XRCC6: variants seen among roughly 807,000 people sequenced by gnomAD.
The protein encoded by XRCC6 is X-ray repair cross complementing 6.
In XRCC6, 5 loss-of-function variants were observed where a neutral mutation model predicts 65.7. That is an observed-to-expected ratio of 0.08 (90% CI 0.04 to 0.16). XRCC6 has a LOEUF of 0.16. XRCC6 is among the 10% of genes least tolerant of loss of function. The pLI is 1.00. For synonymous variants in XRCC6, 270 were observed against 270.6 expected (o/e 1.00, Z 0.02); for missense variants, 447 against 738.1 (o/e 0.61, Z 4.57).
chr22:41,624,311 C>T (rs996287804), intron 2 of XRCC6, among the ~76,000 whole-genome samples: 8 of 151,962 alleles, frequency 5.3e-5, no homozygotes, highest in Non-Finnish European at 7.4e-5. Flanking sequence ...TTGCTTGAAC[C>T]GGGGAGGCAG....
chr22:41,662,539 A>T (rs879848720), intron 12 of XRCC6, among the ~76,000 whole-genome samples: 5 of 152,158 alleles, frequency 3.3e-5, no homozygotes, highest in Non-Finnish European at 5.9e-5. Context: ...CTCATTTTTT[A>T]AAAAATGAGG....
Position 41,654,911 on chromosome 22 carries a change from T to A in XRCC6, c.1291+1221T>A, listed in dbSNP as rs2068031097. Among the ~76,000 whole-genome samples the A allele has an allele frequency of 2.6e-5, 4 of 152,346 alleles. No homozygotes were observed. The South Asian group carries it at 8.3e-4, about 32-fold the overall frequency. On this transcript the variant is annotated intron_variant, in intron 9 of 12. Coordinates refer to ENST00000360079, the MANE Select transcript of XRCC6 (RefSeq NM_001469.5). ...CAGTTTTGCTTTCTGCAGTTTCAGT[T>A]ACCCATAGTCAACCATGGTCCAAAA... is the stretch of plus-strand genomic sequence containing the variant.
chr22:41,657,060 T>G, intron 10 of XRCC6, 28 bp downstream of exon 10: 1 of 1,540,044 alleles, frequency 6.5e-7, no homozygotes, highest in Non-Finnish European at 8.7e-7. Context: ...TTTCTGGAAC[T>G]GCCTCCTGAG....
At chr22:41,630,961 C>T (rs1045336640) in intron 3 of XRCC6, among the ~76,000 whole-genome samples, 15 of 152,358 alleles carry the variant, frequency 9.8e-5, no homozygotes, top group African/African-American at 3.4e-4. Flanking sequence ...ATGGCCCGTT[C>T]TCAATGAGCT....
At chr22:41,633,257 C>T (rs2067775155) in intron 3 of XRCC6, among the ~76,000 whole-genome samples, 1 of 152,226 alleles carries the variant, frequency 6.6e-6, no homozygotes, top group Non-Finnish European at 1.5e-5. Flanking sequence ...GCCCCACAAT[C>T]AAAATTTCTG....
intron 11 of XRCC6, among the ~76,000 whole-genome samples, chr22:41,659,884 C>T (rs1262533571): frequency 1.3e-5 from 2 of 151,724 alleles, no homozygotes; most frequent in Non-Finnish European, 2.9e-5. Context: ...TGGGGGTTCA[C>T]CATATTGGCC....
chr22:41,656,791 A>G, intron 9 of XRCC6, 112 bp from the exon 10 acceptor site: 1 of 1,444,142 alleles, frequency 6.9e-7, no homozygotes, highest in Non-Finnish European at 9.4e-7. Flanking sequence ...AATGGGGCCT[A>G]CGGGGCCCCA....
intron 11 of XRCC6, 38 bp from the exon 12 acceptor site, chr22:41,661,293 G>T: frequency 6.3e-7 from 1 of 1,581,590 alleles, no homozygotes. Flanking sequence ...TGGGGCTCGT[G>T]ACTCACCAGG....
At chr22:41,640,429 G>A (rs950813034) in intron 6 of XRCC6, among the ~76,000 whole-genome samples, 10 of 152,194 alleles carry the variant, frequency 6.6e-5, no homozygotes, top group African/African-American at 2.4e-4. Flanking sequence ...GATTAAGGGC[G>A]TGAGCCACCA....
chr22:41,627,449 T>G (rs940334835), intron 2 of XRCC6, among the ~76,000 whole-genome samples: 3 of 151,744 alleles, frequency 2.0e-5, no homozygotes, highest in Non-Finnish European at 4.4e-5. Flanking sequence ...GCGTCTCTAC[T>G]AAAAATACAA....
intron 6 of XRCC6, among the ~76,000 whole-genome samples, chr22:41,646,166 C>T (rs922149942): frequency 9.9e-5 from 15 of 151,740 alleles, no homozygotes; most frequent in African/African-American, 3.4e-4. Context: ...AGCTGGGTGT[C>T]GTGGCAGGTG....
chr22:41,645,727 C>T (rs1242553949), intron 6 of XRCC6, among the ~76,000 whole-genome samples: 3 of 144,806 alleles, frequency 2.1e-5, no homozygotes, highest in Admixed American at 7.0e-5. Context: ...GATAGAGTCT[C>T]GCTCTGTCGC....
At chr22:41,644,909 A>G (rs2067916123) in intron 6 of XRCC6, among the ~76,000 whole-genome samples, 1 of 152,160 alleles carries the variant, frequency 6.6e-6, no homozygotes, top group Non-Finnish European at 1.5e-5. Context: ...GAGTTTGAAT[A>G]TGGATTTTTA....
intron 12 of XRCC6, 184 bp downstream of exon 12, chr22:41,661,628 G>A (rs1006172208): frequency 3.5e-6 from 2 of 564,662 alleles, no homozygotes; most frequent in Non-Finnish European, 6.2e-6. Flanking sequence ...CTCATACACT[G>A]TTGGTGGGAA....
chr22:41,662,368 T>C (rs1188028543), intron 12 of XRCC6, among the ~76,000 whole-genome samples: 1 of 152,098 alleles, frequency 6.6e-6, no homozygotes, highest in Non-Finnish European at 1.5e-5. Flanking sequence ...AAATTAAAAA[T>C]GAAAAAATTT....
chr22:41,638,190 G>T (rs1260083571), intron 6 of XRCC6, among the ~76,000 whole-genome samples: 1 of 152,082 alleles, frequency 6.6e-6, no homozygotes, highest in Non-Finnish European at 1.5e-5. Flanking sequence ...TCCATTTCGT[G>T]GGGGTAGACA....
intron 6 of XRCC6, among the ~76,000 whole-genome samples, chr22:41,640,383 T>C (rs970620898): frequency 1.3e-5 from 2 of 151,962 alleles, no homozygotes; most frequent in African/African-American, 4.8e-5. Context: ...TCTCCTGACC[T>C]TGTGATCCAC....
chr22:41,627,641 G>C (rs2067693452), intron 2 of XRCC6, among the ~76,000 whole-genome samples: 1 of 151,384 alleles, frequency 6.6e-6, no homozygotes, highest in African/African-American at 2.4e-5. Flanking sequence ...TAGAGGCCTG[G>C]TGGGGAGGAT....
intron 10 of XRCC6, among the ~76,000 whole-genome samples, chr22:41,657,698 T>G (rs1473511885): frequency 6.6e-6 from 1 of 151,750 alleles, no homozygotes; most frequent in Non-Finnish European, 1.5e-5. Context: ...TTTTGTATTT[T>G]TTGTAGGGAC....
Sources: gnomAD v4.1 joint callset for allele counts (sites outside exome capture counted in the v4.1 genomes callset) on GRCh38, gnomAD v4.1.1 for gene constraint, MANE v1.5 for transcripts, NCBI Gene and HGNC (gene_info 2026-07-23, HGNC 2026-07-21) for gene names.